PFKFB3: variants seen among roughly 807,000 people sequenced by gnomAD.
The protein encoded by PFKFB3 is 6-phosphofructo-2-kinase/fructose-2,6-biphosphatase 3.
In PFKFB3, 33 loss-of-function variants were observed where a neutral mutation model predicts 68.0. The ratio of observed to expected loss-of-function variants is 0.49; its 90% confidence interval spans 0.37 to 0.65. PFKFB3 has a LOEUF of 0.65. Ranked by LOEUF, PFKFB3 falls within the 30% of genes least tolerant of loss-of-function variation. The probability of loss-of-function intolerance (pLI) is 0.00; values close to 1 mark genes in which losing one functional copy is unlikely to be tolerated. For missense variants in PFKFB3, 586 were observed against 712.2 expected (o/e 0.82, Z 2.02); for synonymous variants, 315 against 288.2 (o/e 1.09, Z -0.94).
downstream of PFKFB3, among the ~76,000 whole-genome samples, chr10:6,238,001 G>T (rs941468589): frequency 6.6e-6 from 1 of 151,824 alleles, no homozygotes; most frequent in African/African-American, 2.4e-5. Context: ...TTGTGAAGGC[G>T]CTGGTTTCAA....
At chr10:6,286,085 C>T in the PFKFB3 span, among the ~76,000 whole-genome samples, 2 of 147,406 alleles carry the variant, frequency 1.4e-5, no homozygotes, top group Non-Finnish European at 3.0e-5. Context: ...TCACGCCATT[C>T]TCCTGCCTCA....
the PFKFB3 span, among the ~76,000 whole-genome samples, chr10:6,304,954 T>C: frequency 6.9e-6 from 1 of 145,236 alleles, no homozygotes; most frequent in South Asian, 2.2e-4. Context: ...AGTGTTGGGA[T>C]TACAGGCATG....
At chr10:6,312,134 T>A in the PFKFB3 span, among the ~76,000 whole-genome samples, 1 of 152,240 alleles carries the variant, frequency 6.6e-6, no homozygotes, top group East Asian at 1.9e-4. Flanking sequence ...AGCTCTGGCC[T>A]CCGGGATTGT....
Position 6,235,262 on chromosome 10 carries a change from TA to T in PFKFB3, c.*2321del, listed in dbSNP as rs1845968913. 2 of 152,880 alleles carry T rather than the reference TA, an allele frequency of 1.3e-5. No individual in the cohort carries two copies. Among genetic ancestry groups the T allele is most frequent in the Admixed American group, 6.5e-5 (1 of 15,300 alleles). 9.5% of individuals were successfully genotyped at this position (152,880 alleles called of 1,614,324 possible). On this transcript the variant is annotated 3_prime_UTR_variant, in exon 15 of 15. Transcript: ENST00000379775. The stretch of plus-strand genomic sequence containing the variant: ...ATTTTTCTTTGTAATACTTGAAATT[TA>T]TTTTTTTATTATTTTGATAGCAGAT...
At chr10:6,271,814 C>T in the PFKFB3 span, among the ~76,000 whole-genome samples, 1 of 152,204 alleles carries the variant, frequency 6.6e-6, no homozygotes, top group African/African-American at 2.4e-5. Context: ...CTTTCTCCCC[C>T]ACACTGTGGG....
intron 1 of PFKFB3, among the ~76,000 whole-genome samples, chr10:6,194,770 C>T (rs544976401): frequency 3.3e-4 from 51 of 152,302 alleles, no homozygotes; most frequent in Middle Eastern, 6.8e-3. Context: ...TCCCTTTGCA[C>T]AGTTTGCCTG....
At chr10:6,319,069 G>T in the PFKFB3 span, among the ~76,000 whole-genome samples, 12 of 152,154 alleles carry the variant, frequency 7.9e-5, no homozygotes, top group Non-Finnish European at 1.5e-4. Context: ...TATTCTAAAA[G>T]TGCCTTATCT....
the PFKFB3 span, among the ~76,000 whole-genome samples, chr10:6,283,769 G>A: frequency 1.3e-5 from 2 of 152,152 alleles, no homozygotes; most frequent in African/African-American, 4.8e-5. Flanking sequence ...TGCAACCACG[G>A]GTGGAACCTA....
chr10:6,238,824 G>A (rs2132071938), downstream of PFKFB3, among the ~76,000 whole-genome samples: 1 of 152,154 alleles, frequency 6.6e-6, no homozygotes, highest in East Asian at 1.9e-4. Flanking sequence ...GTGGTATCTG[G>A]TTTTCTGTTC....
the PFKFB3 span, among the ~76,000 whole-genome samples, chr10:6,319,269 A>G: frequency 4.6e-5 from 7 of 152,258 alleles, no homozygotes; most frequent in Admixed American, 2.6e-4. Context: ...CTAAGTGTCC[A>G]TCAGTGGATG....
chr10:6,292,000 C>A, the PFKFB3 span, among the ~76,000 whole-genome samples: 2 of 121,600 alleles, frequency 1.6e-5, no homozygotes, highest in African/African-American at 3.2e-5. Flanking sequence ...GTTGCTTAGG[C>A]TGGCATACAG....
intron 6 of PFKFB3, among the ~76,000 whole-genome samples, chr10:6,218,549 CT>C (rs1844745484): frequency 6.6e-6 from 1 of 152,064 alleles, no homozygotes; most frequent in Admixed American, 6.6e-5. Context: ...CTGCCTCAGC[CT>C]CCCGAATAGC....
chr10:6,261,341 AAACGCTGTCTTTG>A, the PFKFB3 span, among the ~76,000 whole-genome samples: 3 of 152,344 alleles, frequency 2.0e-5, no homozygotes, highest in African/African-American at 7.2e-5. Context: ...TTAATCCCTT[AAACGCTGTCTTTG>A]GAATGAGATC....
intron 2 of PFKFB3, among the ~76,000 whole-genome samples, chr10:6,214,263 T>A (rs1172081251): frequency 6.6e-6 from 1 of 152,210 alleles, no homozygotes; most frequent in Admixed American, 6.5e-5. Context: ...AACCCTATTG[T>A]GAACTGGGCA....
intron 1 of PFKFB3, among the ~76,000 whole-genome samples, chr10:6,167,048 C>G (rs76586894): frequency 0.011 from 1,649 of 152,158 alleles, 69 homozygotes; most frequent in East Asian, 0.099. Context: ...AGGAACTCCC[C>G]ATCTCAGGTG....
chr10:6,219,507 G>T, intron 6 of PFKFB3, 62 bp from the exon 7 acceptor site: 1 of 1,602,924 alleles, frequency 6.2e-7, no homozygotes. Flanking sequence ...CCCAAATCCT[G>T]CTTAATCTCA....
At chr10:6,194,850 C>G (rs1296839610) in intron 1 of PFKFB3, among the ~76,000 whole-genome samples, 14 of 151,458 alleles carry the variant, frequency 9.2e-5, no homozygotes, top group Admixed American at 5.3e-4. Flanking sequence ...CAAGGATGGG[C>G]TTTTGCTCCT....
At chr10:6,278,328 T>C in the PFKFB3 span, among the ~76,000 whole-genome samples, 1 of 151,684 alleles carries the variant, frequency 6.6e-6, no homozygotes, top group Admixed American at 6.6e-5. Context: ...CAGGCTGGAG[T>C]GCAGTGGCAC....
chr10:6,307,717 ATGAAAAT>A, the PFKFB3 span, among the ~76,000 whole-genome samples: 1 of 152,076 alleles, frequency 6.6e-6, no homozygotes. Flanking sequence ...GCCTGAGGTG[ATGAAAAT>A]CCTTGCAGAT....
Sources: gnomAD v4.1 joint callset for allele counts (sites outside exome capture counted in the v4.1 genomes callset) on GRCh38, gnomAD v4.1.1 for gene constraint, MANE v1.5 for transcripts, NCBI Gene and HGNC (gene_info 2026-07-23, HGNC 2026-07-21) for gene names.